Variants in ANO4 observed in about 807,000 individuals in gnomAD.
ANO4 encodes the protein anoctamin-4.
ANO4 carries 69 observed loss-of-function variants against 141.9 expected under a neutral mutation model. That is an observed-to-expected ratio of 0.49 (90% CI 0.40 to 0.59). The LOEUF (loss-of-function observed/expected upper bound fraction) is 0.59. Among genes scored for constraint, ANO4 ranks in the 20% least tolerant of loss-of-function variants. The pLI, the probability that ANO4 is intolerant of heterozygous loss-of-function variation, is 0.00. For missense variants in ANO4, 894 were observed against 1,162.2 expected (o/e 0.77, Z 3.36); for synonymous variants, 350 against 394.3 (o/e 0.89, Z 1.33).
chr12:100,740,252 CT>C, intron 3 of ANO4: 1 of 599,784 alleles, frequency 1.7e-6, no homozygotes. Flanking sequence ...ACTGGCTTTT[CT>C]TTTTAATGAG....
chr12:101,011,854 C>G (rs2136450950), intron 8 of ANO4, among the ~76,000 whole-genome samples: 1 of 152,108 alleles, frequency 6.6e-6, no homozygotes, highest in East Asian at 1.9e-4. Flanking sequence ...TGTACAAAAC[C>G]ATCTGTAGGT....
Position 101,096,738 on chromosome 12 carries a change from G to A in ANO4, c.1850+91G>A, listed in dbSNP as rs2050000092. 4.1e-6 allele frequency: 4 copies of A among 970,762 alleles called. No homozygotes were observed. The South Asian group carries it at 4.2e-5, about 10-fold the overall frequency. The allele number at this position is 970,762 out of a possible 1,614,324, so 60.1% of individuals were successfully genotyped here. Reference sequence around the variant, plus strand: ...TGGGGACAGAGAAGCCCTCCCTTAGGGTGATTTATACAAAGTGTAAAAAGG... The same window carrying A: ...TGGGGACAGAGAAGCCCTCCCTTAGAGTGATTTATACAAAGTGTAAAAAGG... On this transcript the variant is annotated intron_variant, in intron 19 of 27. Coordinates refer to ENST00000392977, the MANE Select transcript of ANO4 (RefSeq NM_001286615.2).
chr12:101,040,292 G>A (rs954978524), intron 11 of ANO4, among the ~76,000 whole-genome samples: 1 of 152,210 alleles, frequency 6.6e-6, no homozygotes, highest in Non-Finnish European at 1.5e-5. Context: ...CCCAAAAAGA[G>A]TCTTAGAGAG....
intron 1 of ANO4, among the ~76,000 whole-genome samples, chr12:100,821,105 C>CAGT (rs2036027566): frequency 6.6e-6 from 1 of 152,030 alleles, no homozygotes; most frequent in African/African-American, 2.4e-5. Flanking sequence ...CACGAATTCA[C>CAGT]CTGTTGATGC....
intron 3 of ANO4, among the ~76,000 whole-genome samples, chr12:100,746,453 T>TAAAAAAAAA (rs58996492): frequency 2.7e-5 from 4 of 146,910 alleles, no homozygotes; most frequent in Non-Finnish European, 6.1e-5. Context: ...ACTCTGTTAT[T>TAAAAAAAAA]AAAAAGAATG....
intron 8 of ANO4, among the ~76,000 whole-genome samples, chr12:100,993,813 C>T (rs2136363704): frequency 6.6e-6 from 1 of 152,260 alleles, no homozygotes. Flanking sequence ...ACTAGTCTAC[C>T]TGTGTGCCCA....
At chr12:100,897,649 A>G (rs1022098211) in intron 1 of ANO4, among the ~76,000 whole-genome samples, 8 of 152,218 alleles carry the variant, frequency 5.3e-5, no homozygotes, top group African/African-American at 1.9e-4. Flanking sequence ...TGGCAGATGA[A>G]TGAGAGTTCA....
chr12:100,749,831 A>G (rs1021801145), intron 3 of ANO4, among the ~76,000 whole-genome samples: 4 of 152,248 alleles, frequency 2.6e-5, no homozygotes, highest in African/African-American at 9.6e-5. Flanking sequence ...TGTGGTCCAC[A>G]AGAGCTAAGA....
chr12:100,725,828 C>T (rs1014421869), intron 1 of ANO4, among the ~76,000 whole-genome samples: 10 of 152,324 alleles, frequency 6.6e-5, no homozygotes, highest in African/African-American at 2.4e-4. Context: ...CTACTTACTT[C>T]TTGGGCTAGA....
At chr12:100,844,500 GAGTT>G (rs1271473794) in intron 1 of ANO4, among the ~76,000 whole-genome samples, 3 of 152,078 alleles carry the variant, frequency 2.0e-5, no homozygotes, top group African/African-American at 7.2e-5. Flanking sequence ...GATTGGATGA[GAGTT>G]GGGGAAGTGG....
At chr12:100,828,783 G>A (rs1593448035) in intron 1 of ANO4, among the ~76,000 whole-genome samples, 1 of 151,868 alleles carries the variant, frequency 6.6e-6, no homozygotes, top group South Asian at 2.1e-4. Flanking sequence ...TTTAGCTTTG[G>A]GAGGCTGGTG....
chr12:100,745,746 T>TA (rs1188010468), intron 3 of ANO4, among the ~76,000 whole-genome samples: 2 of 152,282 alleles, frequency 1.3e-5, no homozygotes, highest in African/African-American at 4.8e-5. Context: ...GAGGAATATT[T>TA]AAAAAGGCAA....
At chr12:100,826,903 TA>T (rs371678409) in intron 1 of ANO4, among the ~76,000 whole-genome samples, 309 of 152,130 alleles carry the variant, frequency 2.0e-3, no homozygotes, top group Non-Finnish European at 3.8e-3. Context: ...CTTTAAAATA[TA>T]TTCAGAATCC....
chr12:100,812,510 A>G (rs1265889411), intron 1 of ANO4, among the ~76,000 whole-genome samples: 10 of 152,196 alleles, frequency 6.6e-5, no homozygotes, highest in Admixed American at 6.6e-5. Context: ...TAATGTGTAT[A>G]CATACATAAT....
chr12:100,853,847 A>G (rs1233940059), intron 1 of ANO4, among the ~76,000 whole-genome samples: 4 of 152,236 alleles, frequency 2.6e-5, no homozygotes, highest in African/African-American at 9.6e-5. Context: ...TCTTACATAT[A>G]ATATTACAAT....
At chr12:100,747,864 ACT>A (rs1435147461) in intron 3 of ANO4, among the ~76,000 whole-genome samples, 1 of 152,276 alleles carries the variant, frequency 6.6e-6, no homozygotes, top group East Asian at 1.9e-4. Context: ...CAAGAGCATA[ACT>A]CTGTCTTAAA....
At chr12:100,776,891 G>A (rs1017824980) in intron 3 of ANO4, among the ~76,000 whole-genome samples, 2 of 152,036 alleles carry the variant, frequency 1.3e-5, no homozygotes, top group African/African-American at 4.8e-5. Flanking sequence ...AGAATATGAG[G>A]AAATATGCAG....
intron 1 of ANO4, among the ~76,000 whole-genome samples, chr12:100,830,639 G>T (rs4255585): frequency 6.6e-6 from 1 of 151,832 alleles, no homozygotes; most frequent in Admixed American, 6.6e-5. Flanking sequence ...CATCACATGG[G>T]CCATCCAGCC....
intron 1 of ANO4, among the ~76,000 whole-genome samples, chr12:100,889,106 C>G (rs1813950619): frequency 6.9e-6 from 1 of 145,714 alleles, no homozygotes; most frequent in Non-Finnish European, 1.5e-5. Flanking sequence ...GTTCAATTCT[C>G]ATCTATGAGT....
Sources: gnomAD v4.1 joint callset for allele counts (sites outside exome capture counted in the v4.1 genomes callset) on GRCh38, gnomAD v4.1.1 for gene constraint, MANE v1.5 for transcripts, NCBI Gene and HGNC (gene_info 2026-07-23, HGNC 2026-07-21) for gene names.